LRRFIP2: variants seen among roughly 807,000 people sequenced by gnomAD.
The protein encoded by LRRFIP2 is LRR binding FLII interacting protein 2, also known as leucine-rich repeat flightless-interacting protein 2.
A neutral mutation model predicts 125.9 loss-of-function variants in LRRFIP2; 109 were observed. The ratio of observed to expected loss-of-function variants is 0.87; its 90% CI spans 0.74 to 1.01. The LOEUF (loss-of-function observed/expected upper bound fraction) is 1.01, where lower values mean the gene tolerates loss of function less well. Ranked by LOEUF, LRRFIP2 falls within the 50% of genes least tolerant of loss-of-function variation. The pLI is 0.00. For synonymous variants in LRRFIP2, 291 were observed against 293.1 expected (o/e 0.99, Z 0.07); for missense variants, 850 against 862.3 (o/e 0.99, Z 0.18).
rs2094483266 is a variant in LRRFIP2 at position 37,109,718 on chromosome 3, C to A, written c.514-15G>T. 1 of 1,612,606 alleles carries A rather than the reference C, an allele frequency of 6.2e-7. No homozygotes were observed. Among genetic ancestry groups the A allele is most frequent in the African/African-American group, 1.3e-5 (1 of 74,976 alleles). ...GAAGAAGACTGCTAAGAGACAAAAACAAAATAAATAAGCAAAAACAAAAAC... is the reference window on the plus strand; with the variant it reads ...GAAGAAGACTGCTAAGAGACAAAAAAAAAATAAATAAGCAAAAACAAAAAC... On this transcript the variant is annotated splice_polypyrimidine_tract_variant and intron_variant, in intron 9 of 27. Coordinates refer to ENST00000336686, the MANE Select transcript of LRRFIP2 (RefSeq NM_006309.4).
chr3:37,166,972 G>A (rs1341238105), intron 1 of LRRFIP2, among the ~76,000 whole-genome samples: 2 of 151,648 alleles, frequency 1.3e-5, no homozygotes, highest in African/African-American at 2.4e-5. Flanking sequence ...CAGAGATAGC[G>A]CCATTGCACT....
chr3:37,144,833 A>G (rs2095816550), intron 2 of LRRFIP2, among the ~76,000 whole-genome samples: 1 of 152,208 alleles, frequency 6.6e-6, no homozygotes. Flanking sequence ...AAGAGAGATA[A>G]TGTACAATTT....
chr3:37,108,204 A>C, intron 12 of LRRFIP2, 75 bp from the exon 13 acceptor site: 1 of 1,193,724 alleles, frequency 8.4e-7, no homozygotes, highest in Non-Finnish European at 1.2e-6. Context: ...ATTAGGGACC[A>C]TTTACCTAAC....
intron 21 of LRRFIP2, chr3:37,067,593 A>G (rs1353462940): frequency 2.0e-5 from 3 of 152,246 alleles, no homozygotes; most frequent in Non-Finnish European, 4.4e-5. Context: ...AATTCAAAAA[A>G]TCATTATAAT....
At chr3:37,149,998 C>A (rs1253599348) in intron 1 of LRRFIP2, among the ~76,000 whole-genome samples, 1 of 150,564 alleles carries the variant, frequency 6.6e-6, no homozygotes, top group Non-Finnish European at 1.5e-5. Context: ...GAGACTCCAC[C>A]TCAAAAAAAA....
At chr3:37,062,371 T>C (rs964825838) in intron 24 of LRRFIP2, among the ~76,000 whole-genome samples, 2 of 152,110 alleles carry the variant, frequency 1.3e-5, no homozygotes, top group African/African-American at 4.8e-5. Context: ...AATGACTGAA[T>C]AGGAGTTCCA....
intron 18 of LRRFIP2, among the ~76,000 whole-genome samples, chr3:37,086,860 C>CTTTTTTTTTTTTTTTTTTTTTTTTT (rs776371127): frequency 6.9e-6 from 1 of 145,002 alleles, no homozygotes. Context: ...CATACACACA[C>CTTTTTTTTTTTTTTTTTTTTTTTTT]TTTTTTTTTT....
intron 6 of LRRFIP2, among the ~76,000 whole-genome samples, chr3:37,115,961 C>T (rs1447046149): frequency 6.6e-6 from 1 of 152,136 alleles, no homozygotes; most frequent in African/African-American, 2.4e-5. Flanking sequence ...GAACAAGTTC[C>T]TCAGGTAGTT....
intron 21 of LRRFIP2, among the ~76,000 whole-genome samples, chr3:37,071,314 C>T (rs753645762): frequency 1.8e-4 from 28 of 152,200 alleles, no homozygotes; most frequent in Non-Finnish European, 3.4e-4. Flanking sequence ...ATCGTGTGGG[C>T]TCCAGTGATC....
At chr3:37,134,913 C>G (rs1035497977) in intron 2 of LRRFIP2, 1 of 1,357,962 alleles carries the variant, frequency 7.4e-7, no homozygotes, top group African/African-American at 1.4e-5. Flanking sequence ...CAGCATTTGT[C>G]TCGATATTCT....
intron 4 of LRRFIP2, among the ~76,000 whole-genome samples, chr3:37,126,400 G>A (rs1475090275): frequency 6.6e-6 from 1 of 152,030 alleles, no homozygotes; most frequent in Non-Finnish European, 1.5e-5. Context: ...ATTCCCATCT[G>A]AAAAGAAATG....
At chr3:37,066,799 C>T (rs990912919) in intron 21 of LRRFIP2, 3 of 155,524 alleles carry the variant, frequency 1.9e-5, no homozygotes, top group Non-Finnish European at 2.9e-5. Context: ...AACTATTATA[C>T]ATAGGTATTT....
At chr3:37,154,356 G>A (rs1463036999) in intron 1 of LRRFIP2, among the ~76,000 whole-genome samples, 1 of 152,148 alleles carries the variant, frequency 6.6e-6, no homozygotes, top group Non-Finnish European at 1.5e-5. Flanking sequence ...AGACTCAAAG[G>A]AAACCTTAAA....
intron 1 of LRRFIP2, among the ~76,000 whole-genome samples, chr3:37,166,704 G>A (rs2096496874): frequency 6.7e-6 from 1 of 148,274 alleles, no homozygotes; most frequent in South Asian, 2.1e-4. Flanking sequence ...ACCAGCCTGG[G>A]CAACATGTCT....
chr3:37,166,941 G>T (rs1422684381), intron 1 of LRRFIP2, among the ~76,000 whole-genome samples: 2 of 151,620 alleles, frequency 1.3e-5, no homozygotes, highest in East Asian at 1.9e-4. Context: ...CTTCAACCTG[G>T]GAGGCAGAGG....
At chr3:37,058,976 T>C (rs945525713) in intron 24 of LRRFIP2, 66 bp from the exon 25 acceptor site, 14 of 1,597,828 alleles carry the variant, frequency 8.8e-6, no homozygotes, top group African/African-American at 8.0e-5. Context: ...GCTTATTCTA[T>C]GGTCACATCA....
chr3:37,091,680 A>C, intron 17 of LRRFIP2, 142 bp from the exon 18 acceptor site: 1 of 604,756 alleles, frequency 1.7e-6, no homozygotes, highest in Admixed American at 3.3e-5. Context: ...CATAACTCCC[A>C]CTCCCAACCA....
At chr3:37,118,472 A>C (rs1209832148) in intron 6 of LRRFIP2, among the ~76,000 whole-genome samples, 1 of 152,230 alleles carries the variant, frequency 6.6e-6, no homozygotes, top group African/African-American at 2.4e-5. Flanking sequence ...TTAATAATCC[A>C]ATCATTATAC....
At chr3:37,065,499 G>T in intron 23 of LRRFIP2, 1 of 500,764 alleles carries the variant, frequency 2.0e-6, no homozygotes, top group Non-Finnish European at 3.9e-6. Flanking sequence ...TGCTCCCCTA[G>T]CACAGGTATA....
Sources: allele counts gnomAD v4.1 joint callset (sites outside exome capture counted in the v4.1 genomes callset), GRCh38; gene constraint gnomAD v4.1.1; transcripts MANE v1.5; gene names NCBI Gene and HGNC (gene_info 2026-07-23, HGNC 2026-07-21).